OPRM1: variants seen among roughly 807,000 people sequenced by gnomAD.
OPRM1 encodes mu-type opioid receptor.
In OPRM1, 27 loss-of-function variants were observed where a neutral mutation model predicts 31.8. The observed-to-expected ratio is 0.85, with a 90% confidence interval of 0.63 to 1.17. OPRM1 has a LOEUF of 1.17. Among genes scored for constraint, OPRM1 ranks in the 50% most tolerant of loss-of-function variants. OPRM1 has a pLI of 0.00. For missense variants in OPRM1, 536 were observed against 511.1 expected, an observed-to-expected ratio of 1.05 and a Z score of -0.47; for synonymous variants, 196 against 189.9, an observed-to-expected ratio of 1.03 and a Z score of -0.26.
chr6:154,173,197 C>T (rs1800018752), intron 3 of OPRM1, among the ~76,000 whole-genome samples: 1 of 152,184 alleles, frequency 6.6e-6, no homozygotes, highest in African/African-American at 2.4e-5. Flanking sequence ...GTAGATAAAA[C>T]CTCAAAAATG....
chr6:154,197,276 T>TA lies in OPRM1; in HGVS notation c.1165-49408dup, dbSNP rs199782506. On this transcript the variant is annotated intron_variant, in intron 3 of 3. Coordinates refer to the OPRM1 transcript ENST00000337049. Reference sequence around the variant, plus strand: ...TGTCTGCAACACATAAACACACATGTAAAAAAAAATGCACAATATGAAATT... The same window carrying TA: ...TGTCTGCAACACATAAACACACATGTAAAAAAAAAATGCACAATATGAAATT... 3.0e-4 allele frequency among the ~76,000 whole-genome samples: 46 copies of TA among 151,058 alleles called. No individual in the cohort carries two copies. In the East Asian group the frequency reaches 5.4e-3, roughly 18 times the overall value.
chr6:154,208,114 A>G (rs1273909483), intron 3 of OPRM1, among the ~76,000 whole-genome samples: 1 of 152,138 alleles, frequency 6.6e-6, no homozygotes, highest in Non-Finnish European at 1.5e-5. Flanking sequence ...AGTTGATTAT[A>G]TCCCTCCTCT....
chr6:154,020,517 A>C (rs1042476545), intron 1 of OPRM1, among the ~76,000 whole-genome samples: 9 of 152,340 alleles, frequency 5.9e-5, no homozygotes, highest in African/African-American at 2.2e-4. Context: ...TTTTAAAGAC[A>C]TTTACTTACA....
At chr6:154,232,324 G>A (rs1435468715) in intron 3 of OPRM1, among the ~76,000 whole-genome samples, 3 of 152,332 alleles carry the variant, frequency 2.0e-5, no homozygotes, top group Middle Eastern at 3.4e-3. Context: ...GGTAGGGAGT[G>A]TGCTTGGAAT....
chr6:154,148,588 C>T (rs1005134792), intron 3 of OPRM1, among the ~76,000 whole-genome samples: 1 of 152,188 alleles, frequency 6.6e-6, no homozygotes, highest in African/African-American at 2.4e-5. Context: ...AAGGGACGCT[C>T]TCTGGTAGGT....
intron 1 of OPRM1, among the ~76,000 whole-genome samples, chr6:154,054,530 GGATGAGAAAACT>G (rs1332299223): frequency 1.3e-5 from 2 of 152,136 alleles, no homozygotes; most frequent in Admixed American, 6.5e-5. Context: ...TCCATTTTAT[GGATGAGAAAACT>G]GAGTCCTGTT....
intron 3 of OPRM1, among the ~76,000 whole-genome samples, chr6:154,209,696 AT>A (rs1426761748): frequency 2.6e-5 from 4 of 152,080 alleles, no homozygotes; most frequent in Non-Finnish European, 5.9e-5. Flanking sequence ...ATCTGTTTAA[AT>A]AAAAAGCCTA....
Position 154,123,289 on chromosome 6 carries a change from C to T in OPRM1, c.*4568C>T, listed in dbSNP as rs1260598196. 6.7e-6 allele frequency among the ~76,000 whole-genome samples: 1 copy of T among 148,330 alleles called. No individual in the cohort carries two copies. On this transcript the variant is annotated 3_prime_UTR_variant, in exon 4 of 4. Coordinates refer to ENST00000330432, the MANE Select transcript of OPRM1 (RefSeq NM_000914.5). Reference sequence around the variant, plus strand: ...TAAGCCACTTTCCTCCCTGCAAGTTCCCACGGAGCAGAAAAAAGGAGGAAA... The same window carrying T: ...TAAGCCACTTTCCTCCCTGCAAGTTTCCACGGAGCAGAAAAAAGGAGGAAA...
At chr6:154,049,585 A>G (rs2128413442) in intron 1 of OPRM1, among the ~76,000 whole-genome samples, 1 of 152,304 alleles carries the variant, frequency 6.6e-6, no homozygotes, top group Admixed American at 6.5e-5. Flanking sequence ...ATATATATAA[A>G]ATGTTCCTCA....
At chr6:154,199,991 TACG>T (rs1776932561) in intron 3 of OPRM1, 1 of 1,614,074 alleles carries the variant, frequency 6.2e-7, no homozygotes, top group African/African-American at 1.3e-5. Flanking sequence ...AGAGAAAGAA[TACG>T]ACGTTCCACT....
At chr6:154,107,323 A>G in intron 3 of OPRM1, 1 of 614,086 alleles carries the variant, frequency 1.6e-6, no homozygotes, top group Admixed American at 2.9e-5. Flanking sequence ...TTATGCCAAA[A>G]GGCCGGTATT....
chr6:154,035,279 G>A (rs188214600), upstream of OPRM1, among the ~76,000 whole-genome samples: 2 of 152,176 alleles, frequency 1.3e-5, no homozygotes, highest in East Asian at 3.9e-4. Context: ...TTATTGGGTA[G>A]AAGTTGGTGT....
chr6:154,060,734 A>C (rs1286597718), intron 1 of OPRM1, among the ~76,000 whole-genome samples: 1 of 152,192 alleles, frequency 6.6e-6, no homozygotes. Context: ...AGCCATAATA[A>C]CAGGAGAACA....
At chr6:154,138,585 G>A (rs753721968) in intron 3 of OPRM1, among the ~76,000 whole-genome samples, 4 of 152,282 alleles carry the variant, frequency 2.6e-5, no homozygotes, top group South Asian at 2.1e-4. Flanking sequence ...AAATTATGAC[G>A]GAGACAGAGA....
rs891210320 is a variant in OPRM1 at position 154,125,693 on chromosome 6, A to G, written c.*6972A>G. On this transcript the variant is annotated 3_prime_UTR_variant, in exon 4 of 4. Coordinates refer to ENST00000330432, the MANE Select transcript of OPRM1 (RefSeq NM_000914.5). ...ACCTAAAAGTTGAAAACAGGCTATC[A>G]CATCCCATTTGCTTTAAAGTCTCTT... Among the ~76,000 whole-genome samples, 3 of 152,146 alleles carry G rather than the reference A, an allele frequency of 2.0e-5. No individual in the cohort carries two copies. Among genetic ancestry groups the G allele is most frequent in the African/African-American group, 4.8e-5 (2 of 41,400 alleles).
chr6:154,141,312 C>T (rs560571305), intron 3 of OPRM1, among the ~76,000 whole-genome samples: 6 of 152,254 alleles, frequency 3.9e-5, no homozygotes, highest in Non-Finnish European at 7.4e-5. Flanking sequence ...GTTAGCTTAC[C>T]CCTAAGTCTC....
chr6:154,118,610 G>A (rs1797117108), intron 3 of OPRM1, 73 bp from the exon 4 acceptor site: 1 of 1,444,594 alleles, frequency 6.9e-7, no homozygotes, highest in Non-Finnish European at 9.7e-7. Flanking sequence ...CTTACGAGCA[G>A]AAGATGCTCA....
chr6:154,203,972 C>A (rs1286319112), intron 3 of OPRM1, among the ~76,000 whole-genome samples: 2 of 152,146 alleles, frequency 1.3e-5, no homozygotes, highest in East Asian at 3.8e-4. Flanking sequence ...ACAAAATGTT[C>A]TCATAACCTC....
At chr6:154,038,976 A>T (rs946446769), upstream of OPRM1, 1 of 617,324 alleles carries the variant, frequency 1.6e-6, no homozygotes, top group African/African-American at 1.9e-5. Flanking sequence ...GGCAGTAGGG[A>T]TGGAAGAGCA....
Sources: allele counts gnomAD v4.1 joint callset (sites outside exome capture counted in the v4.1 genomes callset), GRCh38; gene constraint gnomAD v4.1.1; transcripts MANE v1.5; gene names NCBI Gene and HGNC (gene_info 2026-07-23, HGNC 2026-07-21).